The following HS6ST3 variants were observed in gnomAD, a reference collection of about 807,000 sequenced individuals.
The protein encoded by HS6ST3 is heparan sulfate 6-O-sulfotransferase 3.
Under a neutral mutation model 36.7 loss-of-function variants are expected in HS6ST3, and 12 were observed. The ratio of observed to expected loss-of-function variants is 0.33; its 90% confidence interval spans 0.21 to 0.53. HS6ST3 has a LOEUF of 0.53. Ranked by LOEUF, HS6ST3 falls within the 20% of genes least tolerant of loss-of-function variation. The pLI is 0.95. For missense variants in HS6ST3, 584 were observed against 640.9 expected, an observed-to-expected ratio of 0.91 and a Z score of 0.96; for synonymous variants, 240 against 257.5, an observed-to-expected ratio of 0.93 and a Z score of 0.65.
In HS6ST3 at chr13:96,394,121, G is replaced by A. The variant is rs979761141; in HGVS notation, c.707+302552G>A. 1.4e-4 allele frequency among the ~76,000 whole-genome samples: 22 copies of A among 152,116 alleles called. 1 individual carries two copies. Among genetic ancestry groups the A allele is most frequent in the African/African-American group, 5.3e-4 (22 of 41,420 alleles). On this transcript the variant is annotated intron_variant, in intron 1 of 1. Coordinates refer to ENST00000376705, the MANE Select transcript of HS6ST3 (RefSeq NM_153456.4). ...TCTCTCTTGGCAGATGGTAGCCTTT[G>A]TGTTCTCTTAGCTTTCTCTCCTTAG...
intron 1 of HS6ST3, among the ~76,000 whole-genome samples, chr13:96,645,741 T>C (rs142389533): frequency 5.9e-5 from 9 of 151,948 alleles, no homozygotes; most frequent in South Asian, 2.1e-4. Context: ...TCTTAAATGG[T>C]TGTTTTGAGG....
rs150017234 is a variant in HS6ST3, at chr13:96,313,850, CTT to C, written c.707+222283_707+222284del. On this transcript the variant is annotated intron_variant, in intron 1 of 1. Coordinates refer to ENST00000376705, the MANE Select transcript of HS6ST3 (RefSeq NM_153456.4). The stretch of plus-strand genomic sequence containing the variant: ...GGTGTCTGTGTGAGTCTCCTTGACT[CTT>C]TAATTGTAGACGAGATTGACTTGAT... 1.5e-3 allele frequency among the ~76,000 whole-genome samples: 232 copies of C among 152,256 alleles called. 2 individuals are homozygous for C. The East Asian group carries it at 0.03, about 20-fold the overall frequency.
chr13:96,615,641 A>T (rs1374914819), intron 1 of HS6ST3, among the ~76,000 whole-genome samples: 1 of 152,230 alleles, frequency 6.6e-6, no homozygotes, highest in African/African-American at 2.4e-5. Flanking sequence ...CTGAACCTTG[A>T]TGTGAACTCA....
At chr13:96,098,495 G>C (rs1259882323) in intron 1 of HS6ST3, among the ~76,000 whole-genome samples, 1 of 152,110 alleles carries the variant, frequency 6.6e-6, no homozygotes, top group Non-Finnish European at 1.5e-5. Flanking sequence ...GCAAGTGCTT[G>C]ATTTGTGACC....
At chr13:96,658,265 CTTCTTTTTTTTTTTTTTTT>C (rs1338109918) in intron 1 of HS6ST3, among the ~76,000 whole-genome samples, 25 of 67,288 alleles carry the variant, frequency 3.7e-4, no homozygotes, top group South Asian at 1.8e-3. Flanking sequence ...TTCTCTTCTT[CTTCTTTTTTTTTTTTTTTT>C]TTTTTTTTTT....
At chr13:96,121,934 A>G (rs1220542867) in intron 1 of HS6ST3, among the ~76,000 whole-genome samples, 1 of 152,112 alleles carries the variant, frequency 6.6e-6, no homozygotes, top group African/African-American at 2.4e-5. Context: ...TTACCATGGC[A>G]ATGAGGAGTA....
intron 1 of HS6ST3, among the ~76,000 whole-genome samples, chr13:96,296,718 G>C (rs1402948056): frequency 7.9e-5 from 12 of 152,186 alleles, no homozygotes. Context: ...AATGGGTTCA[G>C]GCATTTTTAA....
At chr13:96,587,135 T>C (rs551857441) in intron 1 of HS6ST3, among the ~76,000 whole-genome samples, 3 of 152,174 alleles carry the variant, frequency 2.0e-5, no homozygotes, top group Non-Finnish European at 4.4e-5. Context: ...TTCTCTCTTC[T>C]GTTCCATTGG....
At chr13:96,698,047 T>G (rs915563295) in intron 1 of HS6ST3, among the ~76,000 whole-genome samples, 2 of 152,130 alleles carry the variant, frequency 1.3e-5, no homozygotes, top group African/African-American at 4.8e-5. Context: ...ATTTATTTAT[T>G]TATTTTTAAT....
intron 1 of HS6ST3, among the ~76,000 whole-genome samples, chr13:96,416,224 T>C (rs2055532257): frequency 6.6e-6 from 1 of 152,210 alleles, no homozygotes; most frequent in South Asian, 2.1e-4. Context: ...AGTGGCAAAA[T>C]GGCACCTGGC....
chr13:96,136,682 C>CATATACATATATAT (rs2054003441), intron 1 of HS6ST3, among the ~76,000 whole-genome samples: 1 of 130,516 alleles, frequency 7.7e-6, no homozygotes, highest in Non-Finnish European at 1.6e-5. Context: ...TGTTATGAAA[C>CATATACATATATAT]ATATATATAT....
intron 1 of HS6ST3, among the ~76,000 whole-genome samples, chr13:96,540,661 G>T (rs978959619): frequency 6.6e-6 from 1 of 152,158 alleles, no homozygotes; most frequent in Non-Finnish European, 1.5e-5. Context: ...ACATGCTCTT[G>T]TAACTTAATG....
At chr13:96,447,912 C>A (rs2055707189) in intron 1 of HS6ST3, among the ~76,000 whole-genome samples, 1 of 152,182 alleles carries the variant, frequency 6.6e-6, no homozygotes, top group Non-Finnish European at 1.5e-5. Flanking sequence ...TAAAACCACT[C>A]CATGTGTGTC....
Position 96,672,570 on chromosome 13 carries a change from G to C in HS6ST3, c.708-159920G>C, listed in dbSNP as rs185043583. Among the ~76,000 whole-genome samples, 556 of 152,082 alleles carry C rather than the reference G, an allele frequency of 3.7e-3. 1 individual carries two copies. Among genetic ancestry groups the C allele is most frequent in the Admixed American group, 9.2e-3 (140 of 15,256 alleles). ...ATTCATCCTTTGAAGTCTGTTCATT[G>C]CTCTCCTATGTTGGATCCCCCACCT... On this transcript the variant is annotated intron_variant, in intron 1 of 1. Coordinates refer to ENST00000376705, the MANE Select transcript of HS6ST3 (RefSeq NM_153456.4).
At chr13:96,454,231 G>A (rs7982552) in intron 1 of HS6ST3, among the ~76,000 whole-genome samples, 45,820 of 151,952 alleles carry the variant, frequency 0.3, 7,197 homozygotes, top group South Asian at 0.46. Flanking sequence ...AACTGAATGT[G>A]CCTTAGTTCT....
intron 1 of HS6ST3, among the ~76,000 whole-genome samples, chr13:96,826,165 G>T (rs1878642468): frequency 6.6e-6 from 1 of 152,138 alleles, no homozygotes; most frequent in African/African-American, 2.4e-5. Context: ...ATTACTTGTT[G>T]TATAAAATAT....
intron 1 of HS6ST3, among the ~76,000 whole-genome samples, chr13:96,179,863 T>G (rs2139339325): frequency 6.6e-6 from 1 of 152,298 alleles, no homozygotes; most frequent in South Asian, 2.1e-4. Context: ...GGCGTCTCAC[T>G]CTGTCAACCA....
chr13:96,292,210 ATG>A (rs4001473), intron 1 of HS6ST3, among the ~76,000 whole-genome samples: 5,138 of 149,910 alleles, frequency 0.034, 242 homozygotes, highest in African/African-American at 0.11. Context: ...TTTAGAGTAA[ATG>A]TGTGTGTGTG....
chr13:96,262,395 A>T (rs542293503), intron 1 of HS6ST3, among the ~76,000 whole-genome samples: 1 of 152,160 alleles, frequency 6.6e-6, no homozygotes, highest in Admixed American at 6.5e-5. Context: ...GTCTGGGTGG[A>T]TATTTCTGTC....
Sources: gnomAD v4.1 joint callset for allele counts (sites outside exome capture counted in the v4.1 genomes callset) on GRCh38, gnomAD v4.1.1 for gene constraint, MANE v1.5 for transcripts, NCBI Gene and HGNC (gene_info 2026-07-23, HGNC 2026-07-21) for gene names.